MAP3K4: variants seen among roughly 807,000 people sequenced by gnomAD.
The protein encoded by MAP3K4 is mitogen-activated protein kinase kinase kinase 4, also known as MAP three kinase 1.
In MAP3K4, 67 loss-of-function variants were observed where a neutral mutation model predicts 185.6. The observed-to-expected ratio is 0.36, with a 90% CI of 0.30 to 0.44. The LOEUF (loss-of-function observed/expected upper bound fraction) is 0.44. MAP3K4 is among the 20% of genes least tolerant of loss of function. The pLI, the probability that MAP3K4 is intolerant of heterozygous loss-of-function variation, is 1.00. For synonymous variants in MAP3K4, 702 were observed against 710.4 expected (o/e 0.99, Z 0.19); for missense variants, 1,551 against 1,995.1 (o/e 0.78, Z 4.24).
intron 1 of MAP3K4, among the ~76,000 whole-genome samples, chr6:161,032,281 C>T (rs1180137736): frequency 6.6e-6 from 1 of 152,152 alleles, no homozygotes; most frequent in Non-Finnish European, 1.5e-5. Flanking sequence ...GTGAGCTTCT[C>T]TCTTAAGGTG....
At chr6:161,010,538 A>G (rs1392979300) in intron 1 of MAP3K4, among the ~76,000 whole-genome samples, 2 of 152,186 alleles carry the variant, frequency 1.3e-5, no homozygotes, top group African/African-American at 2.4e-5. Context: ...TTATTCCATT[A>G]AATTTTGTTT....
At chr6:161,027,478 A>G (rs1324390050) in intron 1 of MAP3K4, among the ~76,000 whole-genome samples, 1 of 152,222 alleles carries the variant, frequency 6.6e-6, no homozygotes, top group Admixed American at 6.5e-5. Flanking sequence ...GAACTGTGAA[A>G]GCTTAGGAAG....
chr6:161,076,590 A>C lies in MAP3K4; in HGVS notation c.2097+2978A>C, dbSNP rs1785188895. Among the ~76,000 whole-genome samples, 1 of 152,198 alleles carries C rather than the reference A, an allele frequency of 6.6e-6. No individual in the cohort carries two copies. Among genetic ancestry groups the C allele is most frequent in the Admixed American group, 6.5e-5 (1 of 15,278 alleles). On this transcript the variant is annotated intron_variant, in intron 5 of 26. Transcript: ENST00000392142. This position sits in a 1 kb window ranked among gnomAD's most constrained non-coding sequence, Gnocchi z 4.2. Reference sequence around the variant, plus strand: ...GGCCTCAGAAGTAACCAAGACAATAAACATAATAATACATGATGTAGGAAC... The same window carrying C: ...GGCCTCAGAAGTAACCAAGACAATACACATAATAATACATGATGTAGGAAC...
chr6:161,014,672 A>G (rs1260061149), intron 1 of MAP3K4, among the ~76,000 whole-genome samples: 2 of 152,240 alleles, frequency 1.3e-5, no homozygotes, highest in African/African-American at 4.8e-5. Flanking sequence ...AAGTGTTCTC[A>G]TTGGAATTGG....
chr6:161,033,945 G>A (rs867229662), intron 1 of MAP3K4, among the ~76,000 whole-genome samples: 2 of 152,136 alleles, frequency 1.3e-5, no homozygotes, highest in Non-Finnish European at 2.9e-5. Flanking sequence ...TCCTTAAGGC[G>A]TAAGTTTTTA....
intron 2 of MAP3K4, among the ~76,000 whole-genome samples, chr6:161,045,472 G>A (rs902740125): frequency 6.6e-6 from 1 of 152,082 alleles, no homozygotes; most frequent in Non-Finnish European, 1.5e-5. Flanking sequence ...ATGGGATTGT[G>A]GCATTTTTTC....
chr6:160,991,818 C>G lies in MAP3K4; in HGVS notation c.-114C>G, dbSNP rs1298742135. The stretch of plus-strand genomic sequence containing the variant: ...ATGGCCGCGGCGCGCACGGCTCCTG[C>G]GGCGGGGTAGAGGCGGAGGCGGAGT... On this transcript the variant is annotated 5_prime_UTR_variant, in exon 1 of 27. Coordinates refer to ENST00000392142, the MANE Select transcript of MAP3K4 (RefSeq NM_005922.4). This position sits in a 1 kb window ranked among gnomAD's most constrained non-coding sequence, Gnocchi z 5.7. 2 of 1,203,086 alleles carry G rather than the reference C, an allele frequency of 1.7e-6. No individual in the cohort carries two copies. Among genetic ancestry groups the G allele is most frequent in the Non-Finnish European group, 2.2e-6 (2 of 926,704 alleles). The allele number at this position is 1,203,086 out of a possible 1,614,324, so 74.5% of individuals were successfully genotyped here. A position where few individuals can be genotyped will look rare whatever the true frequency, so the allele number is the denominator to read the frequency against.
chr6:161,001,046 A>G (rs1583088768), intron 1 of MAP3K4, among the ~76,000 whole-genome samples: 1 of 20,188 alleles, frequency 5.0e-5, no homozygotes, highest in East Asian at 5.6e-4. Context: ...TATAATATAC[A>G]CATATGTATA....
intron 3 of MAP3K4, among the ~76,000 whole-genome samples, chr6:161,050,879 A>T (rs1329272351): frequency 6.6e-6 from 1 of 152,244 alleles, no homozygotes; most frequent in Non-Finnish European, 1.5e-5. Flanking sequence ...GTATACATAC[A>T]TATGTACAAT....
intron 1 of MAP3K4, among the ~76,000 whole-genome samples, chr6:160,992,817 A>G (rs766105120): frequency 2.7e-5 from 4 of 149,288 alleles, no homozygotes; most frequent in Non-Finnish European, 6.0e-5. Context: ...TTATGTCTTT[A>G]TTTTTTTTTT....
intron 2 of MAP3K4, among the ~76,000 whole-genome samples, chr6:161,047,827 TA>T (rs1488561673): frequency 6.6e-6 from 1 of 152,240 alleles, no homozygotes; most frequent in East Asian, 1.9e-4. Flanking sequence ...GTGTTCATTT[TA>T]AAGCTTGGAA....
intron 1 of MAP3K4, among the ~76,000 whole-genome samples, chr6:160,998,031 A>C (rs1781086425): frequency 6.6e-6 from 1 of 152,170 alleles, no homozygotes; most frequent in African/African-American, 2.4e-5. Context: ...CTTTAAAATA[A>C]ATAAATAAAT....
Position 161,106,421 on chromosome 6 carries a change from T to C in MAP3K4, c.3857-93T>C. 1 of 831,472 alleles carries C rather than the reference T, an allele frequency of 1.2e-6. No individual in the cohort carries two copies. Among genetic ancestry groups the C allele is most frequent in the Non-Finnish European group, 1.9e-6 (1 of 529,380 alleles). The allele number at this position is 831,472 out of a possible 1,614,324, so 51.5% of individuals were successfully genotyped here. ...AATAAGCTTTGCTGTAATGGAGTGC[T>C]AATATATATTGCTCTATTTTTATTG... is the stretch of plus-strand genomic sequence containing the variant. On this transcript the variant is annotated intron_variant, in intron 19 of 26. Coordinates refer to ENST00000392142, the MANE Select transcript of MAP3K4 (RefSeq NM_005922.4). The surrounding 1 kb of genome is among the most constrained non-coding windows in gnomAD (Gnocchi z 4.9).
intron 15 of MAP3K4, among the ~76,000 whole-genome samples, chr6:161,095,166 G>A (rs557175779): frequency 2.0e-5 from 3 of 152,280 alleles, no homozygotes; most frequent in African/African-American, 7.2e-5. Flanking sequence ...GCTCTCTGGA[G>A]ACTCACATGG....
In MAP3K4 at chr6:161,115,604, G is replaced by A. The variant is rs550592813; in HGVS notation, c.4806+302G>A. ...TTGAGAGTGTATAGTCTACTTGGAG[G>A]GTCAAGACGGTAATGACTAATCATT... On this transcript the variant is annotated intron_variant, in intron 26 of 26. Coordinates refer to ENST00000392142, the MANE Select transcript of MAP3K4 (RefSeq NM_005922.4). The surrounding 1 kb of genome is among the most constrained non-coding windows in gnomAD (Gnocchi z 6.0). Among the ~76,000 whole-genome samples the A allele has an allele frequency of 1.3e-5, 2 of 152,232 alleles. No homozygotes were observed. Among genetic ancestry groups the A allele is most frequent in the South Asian group, 4.1e-4 (2 of 4,824 alleles).
rs1450764127 is a variant in MAP3K4, at chr6:161,008,093, G to A, written c.152+16010G>A. On this transcript the variant is annotated intron_variant, in intron 1 of 26. Transcript: ENST00000392142. This position sits in a 1 kb window ranked among gnomAD's most constrained non-coding sequence, Gnocchi z 4.1. ...GTAGAAAGGCAGAAAGTGGGATAGA[G>A]TGGAAAGTGGGATGCAGTGATGATA... Among the ~76,000 whole-genome samples, 4 of 152,312 alleles carry A rather than the reference G, an allele frequency of 2.6e-5. No homozygotes were observed. The South Asian group carries it at 6.2e-4, about 24-fold the overall frequency.
rs549883421 is a variant in MAP3K4 at position 161,031,429 on chromosome 6, C to G, written c.153-2830C>G. ...TTTTATTATATGTACTTTCTTAGAC[C>G]CTCTTTATCTGCTAAAGCACAGGAC... is the stretch of plus-strand genomic sequence containing the variant. On this transcript the variant is annotated intron_variant, in intron 1 of 26. Transcript: ENST00000392142. Among the ~76,000 whole-genome samples the G allele has an allele frequency of 1.0e-3, 155 of 152,106 alleles. 1 individual carries two copies. Among genetic ancestry groups the G allele is most frequent in the Non-Finnish European group, 8.8e-4 (60 of 67,990 alleles).
In MAP3K4 at chr6:161,091,567, G is replaced by A; in HGVS notation, c.3135+27G>A. 1 of 1,585,236 alleles carries A rather than the reference G, an allele frequency of 6.3e-7. No individual in the cohort carries two copies. Among genetic ancestry groups the A allele is most frequent in the Non-Finnish European group, 8.6e-7 (1 of 1,165,330 alleles). On this transcript the variant is annotated intron_variant, in intron 12 of 26. Transcript: ENST00000392142. This position sits in a 1 kb window ranked among gnomAD's most constrained non-coding sequence, Gnocchi z 5.5. ...TAGGTTCAAAATAAGAGGAAACACG[G>A]TACAATTTAGTAATTGCTTGATAAC...
chr6:161,077,881 A>G lies in MAP3K4; in HGVS notation c.2098-3000A>G, dbSNP rs1387806197. On this transcript the variant is annotated intron_variant, in intron 5 of 26. Transcript: ENST00000392142. The surrounding 1 kb of genome is among the most constrained non-coding windows in gnomAD (Gnocchi z 4.3). ...GGAAAGAGATGGGAAAAAAATATATATATGTATTAATATGTATATACGAGA... is the reference window on the plus strand; with the variant it reads ...GGAAAGAGATGGGAAAAAAATATATGTATGTATTAATATGTATATACGAGA... Among the ~76,000 whole-genome samples, 1 of 152,030 alleles carries G rather than the reference A, an allele frequency of 6.6e-6. No homozygotes were observed. The highest frequency in any genetic ancestry group is 1.5e-5 in the Non-Finnish European group (1 of 68,022).
Sources: allele counts gnomAD v4.1 joint callset (sites outside exome capture counted in the v4.1 genomes callset), GRCh38; gene constraint gnomAD v4.1.1; non-coding constraint Gnocchi (gnomAD v3.1); transcripts MANE v1.5; gene names NCBI Gene and HGNC (gene_info 2026-07-23, HGNC 2026-07-21).